The following TRIP11 variants were observed in gnomAD, a reference collection of about 807,000 sequenced individuals.
The protein encoded by TRIP11 is thyroid hormone receptor interactor 11.
A neutral mutation model predicts 223.1 loss-of-function variants in TRIP11; 148 were observed. The observed-to-expected ratio is 0.66, with a 90% CI of 0.58 to 0.76. The LOEUF is 0.76. TRIP11 is among the 30% of genes least tolerant of loss of function. TRIP11 has a pLI of 0.00. For synonymous variants in TRIP11, 762 were observed against 772.6 expected, an observed-to-expected ratio of 0.99 and a Z score of 0.23; for missense variants, 2,043 against 2,222.0, an observed-to-expected ratio of 0.92 and a Z score of 1.62.
chr14:91,970,825 TA>T (rs1389300770), intron 20 of TRIP11, among the ~76,000 whole-genome samples: 1 of 152,224 alleles, frequency 6.6e-6, no homozygotes, highest in African/African-American at 2.4e-5. Flanking sequence ...AACAGCTTTT[TA>T]AATGGTGTCA....
chr14:92,014,994 C>T (rs1448004248), intron 6 of TRIP11, among the ~76,000 whole-genome samples: 1 of 151,376 alleles, frequency 6.6e-6, no homozygotes, highest in Non-Finnish European at 1.5e-5. Flanking sequence ...ACCTCTGCCT[C>T]CTGGGCTCAA....
chr14:91,987,611 A>G (rs2056618969), intron 16 of TRIP11, among the ~76,000 whole-genome samples: 1 of 152,132 alleles, frequency 6.6e-6, no homozygotes, highest in African/African-American at 2.4e-5. Context: ...ACCCTGAATC[A>G]TTACCTACTA....
chr14:92,027,970 T>C (rs994217359), intron 2 of TRIP11, among the ~76,000 whole-genome samples: 1 of 152,196 alleles, frequency 6.6e-6, no homozygotes, highest in African/African-American at 2.4e-5. Flanking sequence ...CCTGAAGAAC[T>C]AGTAGTAAGA....
chr14:92,026,763 G>T (rs750110943), intron 2 of TRIP11: 62 of 1,146,958 alleles, frequency 5.4e-5, no homozygotes, highest in Non-Finnish European at 7.9e-5. Flanking sequence ...AAGAAGGTGA[G>T]GGTGAGGAAG....
rs2056924179 is a variant in TRIP11, at chr14:92,007,786, T to C, written c.1381A>G (p.Arg461Gly). ...EYEVIKSTATRDISLDSELHD... is the reference protein window; with the variant it reads ...EYEVIKSTATGDISLDSELHD... ...AATTCTGAATCCAAACTTATGTCTCTTGTAGCTGTACTTTTAATTACTTCA... is the reference window on the plus strand; with the variant it reads ...AATTCTGAATCCAAACTTATGTCTCCTGTAGCTGTACTTTTAATTACTTCA... The change falls in exon 10 of 21, where the codon AGA becomes GGA. Residue 461 changes from arginine to glycine, a missense_variant. Coordinates refer to ENST00000267622, the MANE Select transcript of TRIP11 (RefSeq NM_004239.4). The C allele has an allele frequency of 2.5e-6, 4 of 1,613,526 alleles. No individual in the cohort carries two copies. The highest frequency in any genetic ancestry group is 3.4e-6 in the Non-Finnish European group (4 of 1,179,926).
At chr14:92,036,827 T>A (rs1459355165) in intron 1 of TRIP11, among the ~76,000 whole-genome samples, 1 of 152,164 alleles carries the variant, frequency 6.6e-6, no homozygotes, top group Non-Finnish European at 1.5e-5. Context: ...CTTTAACTAC[T>A]GGGCTCAAGC....
At chr14:92,011,146 A>T in intron 8 of TRIP11, 74 bp from the exon 9 acceptor site, 1 of 1,300,640 alleles carries the variant, frequency 7.7e-7, no homozygotes, top group Non-Finnish European at 1.1e-6. Flanking sequence ...CAATCTATAC[A>T]ATTGTGTGTT....
At chr14:91,977,663 A>ATTC (rs1157617858) in intron 16 of TRIP11, among the ~76,000 whole-genome samples, 1 of 68,320 alleles carries the variant, frequency 1.5e-5, no homozygotes, top group Non-Finnish European at 2.8e-5. Context: ...GACTGCCCTC[A>ATTC]CCTTTCATGT....
At chr14:91,994,850 T>C (rs2140105026) in intron 14 of TRIP11, among the ~76,000 whole-genome samples, 2 of 152,310 alleles carry the variant, frequency 1.3e-5, no homozygotes, top group East Asian at 1.9e-4. Flanking sequence ...AAAAAGCACC[T>C]TCCATATGGA....
chr14:92,022,954 T>C (rs761666182), intron 3 of TRIP11, among the ~76,000 whole-genome samples: 1 of 152,204 alleles, frequency 6.6e-6, no homozygotes, highest in Admixed American at 6.5e-5. Context: ...GGGCCGCACA[T>C]AGATTCAGGA....
At position 92,021,830 on chromosome 14, in the gene TRIP11, A is replaced by G. The variant is rs2057119439; in HGVS notation, c.314T>C (p.Val105Ala). Residue 105 changes from valine to alanine, a missense_variant and splice_region_variant, in exon 4 of 21, where the codon GTA becomes GCA. Transcript: ENST00000267622. The stretch of plus-strand genomic sequence containing the variant: ...TCTGGCTTTAAGATGGCTGATTTCT[A>G]CCTATATATTTATAATCCAAGTTTT... ...SYRNQLQQKE[V>A]EISHLKARQI... 2 of 1,613,336 alleles carry G rather than the reference A, an allele frequency of 1.2e-6. No individual in the cohort carries two copies. Among genetic ancestry groups the G allele is most frequent in the East Asian group, 4.5e-5 (2 of 44,884 alleles).
intron 16 of TRIP11, among the ~76,000 whole-genome samples, chr14:91,981,504 C>A (rs1177710299): frequency 5.9e-5 from 9 of 152,062 alleles, no homozygotes. Context: ...GTTTCTTGCA[C>A]CTCAGCCTGC....
In TRIP11 at chr14:92,021,561, C is replaced by G; in HGVS notation, c.583G>C (p.Ala195Pro). 6.2e-7 allele frequency: 1 copy of G among 1,614,076 alleles called. No homozygotes were observed. The highest frequency in any genetic ancestry group is 8.5e-7 in the Non-Finnish European group (1 of 1,180,028). ...TCTAAAAAATTTTTATCTACCTGAG[C>G]AATATGCCTCCAATGGCCAACTTCA... ...ESEVGHWRHIAQTSKAQGTDN... is the reference protein window; with the variant it reads ...ESEVGHWRHIPQTSKAQGTDN... Residue 195 changes from alanine (A) to proline (P), a missense_variant, in exon 4 of 21, where the codon GCT becomes CCT. Coordinates refer to ENST00000267622, the MANE Select transcript of TRIP11 (RefSeq NM_004239.4).
At chr14:92,017,362 G>GCAAACCCCAT (rs1844644085) in intron 5 of TRIP11, among the ~76,000 whole-genome samples, 1 of 152,120 alleles carries the variant, frequency 6.6e-6, no homozygotes, top group African/African-American at 2.4e-5. Context: ...GGCACCATTA[G>GCAAACCCCAT]CAAACCCCAT....
At chr14:92,017,247 AT>A (rs1396646777) in intron 5 of TRIP11, among the ~76,000 whole-genome samples, 6 of 152,276 alleles carry the variant, frequency 3.9e-5, no homozygotes, top group South Asian at 2.1e-4. Context: ...TTAAAAAAAA[AT>A]ATTTTTAAAT....
intron 2 of TRIP11, among the ~76,000 whole-genome samples, chr14:92,027,680 C>T (rs2057207358): frequency 6.6e-6 from 1 of 152,032 alleles, no homozygotes; most frequent in Non-Finnish European, 1.5e-5. Flanking sequence ...ACTAATATAC[C>T]CACAAACACG....
At chr14:91,988,197 C>A (rs1013204435) in intron 16 of TRIP11, 87 bp downstream of exon 16, 8 of 1,088,760 alleles carry the variant, frequency 7.3e-6, no homozygotes, top group Non-Finnish European at 1.1e-5. Flanking sequence ...GTTGGTCTCA[C>A]TCAACTATGC....
At chr14:92,039,032 A>G (rs1274983146) in intron 1 of TRIP11, among the ~76,000 whole-genome samples, 1 of 152,208 alleles carries the variant, frequency 6.6e-6, no homozygotes, top group Admixed American at 6.5e-5. Flanking sequence ...GTATCATCAC[A>G]ATAAGGAAAA....
intron 11 of TRIP11, among the ~76,000 whole-genome samples, chr14:92,000,581 T>A (rs945092506): frequency 6.6e-6 from 1 of 152,206 alleles, no homozygotes; most frequent in Admixed American, 6.5e-5. Flanking sequence ...TTAAAACTAT[T>A]CTAAAAGAAT....
Sources: gnomAD v4.1 joint callset for allele counts (sites outside exome capture counted in the v4.1 genomes callset) on GRCh38, gnomAD v4.1.1 for gene constraint, MANE v1.5 for transcripts, NCBI Gene and HGNC (gene_info 2026-07-23, HGNC 2026-07-21) for gene names.